LRBA: variants seen among roughly 807,000 people sequenced by gnomAD.
LRBA encodes LPS responsive beige-like anchor protein, also known as lipopolysaccharide-responsive and beige-like anchor protein.
LRBA carries 176 observed loss-of-function variants against 330.0 expected under a neutral mutation model. The ratio of observed to expected loss-of-function variants is 0.53; its 90% CI spans 0.47 to 0.60. The LOEUF is 0.60. Ranked by LOEUF, LRBA falls within the 20% of genes least tolerant of loss-of-function variation. The probability of loss-of-function intolerance (pLI) is 0.00; values close to 1 mark genes in which losing one functional copy is unlikely to be tolerated. For synonymous variants in LRBA, 1,230 were observed against 1,193.0 expected, an observed-to-expected ratio of 1.03 and a Z score of -0.64; for missense variants, 3,259 against 3,444.8, an observed-to-expected ratio of 0.95 and a Z score of 1.35.
chr4:150,334,623 G>A (rs1350572245), intron 48 of LRBA, among the ~76,000 whole-genome samples: 1 of 151,882 alleles, frequency 6.6e-6, no homozygotes, highest in African/African-American at 2.4e-5. Context: ...TATTTTCTCT[G>A]ATGGAGGAAG....
chr4:150,294,528 C>T (rs764706187), intron 53 of LRBA, among the ~76,000 whole-genome samples: 45 of 152,246 alleles, frequency 3.0e-4, no homozygotes, highest in Non-Finnish European at 2.1e-4. Flanking sequence ...TTCTCCATGC[C>T]TCATCTATAA....
chr4:150,968,186 T>A (rs1212749037), intron 2 of LRBA, among the ~76,000 whole-genome samples: 1 of 151,980 alleles, frequency 6.6e-6, no homozygotes, highest in African/African-American at 2.4e-5. Context: ...TGTATTTTAG[T>A]AGGGATGGGG....
Position 150,852,465 on chromosome 4 carries a change from A to T in LRBA, c.3245T>A (p.Ile1082Lys). 1 of 1,613,716 alleles carries T rather than the reference A, an allele frequency of 6.2e-7. No homozygotes were observed. Among genetic ancestry groups the T allele is most frequent in the Non-Finnish European group, 8.5e-7 (1 of 1,179,998 alleles). Residue 1082 changes from isoleucine (I) to lysine (K), a missense_variant, in exon 23 of 57, where the codon ATA becomes AAA. Ile to Lys is a moderately radical substitution (Grantham distance 102). Transcript: ENST00000651943. ...GGCATCCTCTTCTGAAGGAGAACTT[A>T]TAGAAGCAGTTACTTCACTGACAGT... ...SMTVSEVTAS[I>K]SSPSEEDASE... is the part of the protein sequence containing the mutation.
At chr4:150,892,934 C>T (rs1729619905) in intron 17 of LRBA, 118 bp downstream of exon 17, 2 of 587,604 alleles carry the variant, frequency 3.4e-6, no homozygotes, top group Non-Finnish European at 5.8e-6. Context: ...TAAATCTTAA[C>T]TCATTTCATG....
At chr4:150,299,475 G>A (rs1461202812) in intron 53 of LRBA, among the ~76,000 whole-genome samples, 1 of 151,902 alleles carries the variant, frequency 6.6e-6, no homozygotes, top group Non-Finnish European at 1.5e-5. Flanking sequence ...GTATTTATAG[G>A]TTTTACACTT....
At chr4:150,352,110 G>T (rs1012657583) in intron 47 of LRBA, among the ~76,000 whole-genome samples, 2 of 152,100 alleles carry the variant, frequency 1.3e-5, no homozygotes, top group African/African-American at 4.8e-5. Flanking sequence ...CATTGAAATT[G>T]ATTTTTATTT....
intron 37 of LRBA, among the ~76,000 whole-genome samples, chr4:150,654,036 T>C (rs1779947987): frequency 6.6e-6 from 1 of 152,368 alleles, no homozygotes; most frequent in Non-Finnish European, 1.5e-5. Flanking sequence ...TTACCTGAAA[T>C]AATTTGCCTC....
rs1730568719 is a variant in LRBA at position 150,900,178 on chromosome 4, T to C, written c.1795A>G (p.Ile599Val). The C allele has an allele frequency of 6.2e-7, 1 of 1,613,322 alleles. No homozygotes were observed. Among genetic ancestry groups the C allele is most frequent in the Non-Finnish European group, 8.5e-7 (1 of 1,179,470 alleles). Residue 599 changes from isoleucine (I) to valine (V), a missense_variant, in exon 14 of 57, where the codon ATT becomes GTT. Ile to Val is a conservative substitution (Grantham distance 29). Transcript: ENST00000651943. ...GTGTTATATATGTTGACTGTACCAA[T>C]GAATTCCGTGGACAGATAAGTATAG... Reference protein sequence around the residue: ...MLYTYLSTEFIGTVNIYNTIR... With the variant: ...MLYTYLSTEFVGTVNIYNTIR...
At chr4:150,420,110 C>A (rs985035232) in intron 46 of LRBA, among the ~76,000 whole-genome samples, 5 of 150,446 alleles carry the variant, frequency 3.3e-5, no homozygotes, top group African/African-American at 7.3e-5. Flanking sequence ...TGGTGGCATG[C>A]ACCTGTGCCT....
intron 47 of LRBA, among the ~76,000 whole-genome samples, chr4:150,390,311 T>C (rs1032844591): frequency 2.6e-5 from 4 of 152,186 alleles, no homozygotes; most frequent in African/African-American, 9.7e-5. Flanking sequence ...CAGAATGTGC[T>C]TTCCCTGGAC....
At chr4:150,861,019 T>G (rs1751852191) in intron 22 of LRBA, among the ~76,000 whole-genome samples, 1 of 152,148 alleles carries the variant, frequency 6.6e-6, no homozygotes, top group Non-Finnish European at 1.5e-5. Flanking sequence ...CAAACCTGTA[T>G]AGCTTATTAC....
At chr4:150,618,683 C>T (rs2126615586) in intron 37 of LRBA, among the ~76,000 whole-genome samples, 1 of 152,056 alleles carries the variant, frequency 6.6e-6, no homozygotes, top group African/African-American at 2.4e-5. Context: ...TATATTATGT[C>T]CTAGTCAGTT....
At chr4:150,818,528 A>ATGTGTG (rs1294649533) in intron 30 of LRBA, among the ~76,000 whole-genome samples, 2 of 93,348 alleles carry the variant, frequency 2.1e-5, no homozygotes, top group South Asian at 3.7e-4. Flanking sequence ...GATATGACGA[A>ATGTGTG]TGTCTGTGTG....
intron 37 of LRBA, among the ~76,000 whole-genome samples, chr4:150,613,723 T>C (rs4330340): frequency 0.8 from 122,006 of 152,206 alleles, 52,547 homozygotes; most frequent in Non-Finnish European, 0.95. Flanking sequence ...GCGAATGCTT[T>C]GCATCTCTGG....
chr4:150,444,465 C>T (rs7678429), intron 44 of LRBA, among the ~76,000 whole-genome samples: 132,565 of 152,174 alleles, frequency 0.87, 58,616 homozygotes, highest in Non-Finnish European at 0.96. Context: ...AGCGCTCTTT[C>T]ATCTAAATGA....
chr4:150,977,547 C>T (rs1039231966), intron 2 of LRBA, among the ~76,000 whole-genome samples: 6 of 152,108 alleles, frequency 3.9e-5, no homozygotes, highest in African/African-American at 7.2e-5. Context: ...AACGTGCCGG[C>T]TTCAGGAATC....
intron 37 of LRBA, among the ~76,000 whole-genome samples, chr4:150,660,413 C>T (rs1480878430): frequency 2.2e-4 from 32 of 144,154 alleles, no homozygotes; most frequent in African/African-American, 3.0e-4. Flanking sequence ...CGCCTCTGCC[C>T]GGCTGCCCCT....
intron 2 of LRBA, among the ~76,000 whole-genome samples, chr4:150,932,059 A>G (rs1184440922): frequency 6.6e-6 from 1 of 152,180 alleles, no homozygotes; most frequent in East Asian, 1.9e-4. Context: ...TGGGTGACAG[A>G]GCAGGACATG....
intron 8 of LRBA, among the ~76,000 whole-genome samples, chr4:150,914,623 G>A (rs1407683038): frequency 6.6e-6 from 1 of 152,034 alleles, no homozygotes; most frequent in Non-Finnish European, 1.5e-5. Flanking sequence ...TAACCTCTTT[G>A]TACTTCACCT....
Sources: allele counts gnomAD v4.1 joint callset (sites outside exome capture counted in the v4.1 genomes callset), GRCh38; gene constraint gnomAD v4.1.1; transcripts MANE v1.5; gene names NCBI Gene and HGNC (gene_info 2026-07-23, HGNC 2026-07-21).